Variants in ARL13B observed in about 807,000 individuals in gnomAD.
ARL13B encodes the protein ADP-ribosylation factor-like protein 13B.
ARL13B carries 36 observed loss-of-function variants against 56.1 expected under a neutral mutation model. That is an observed-to-expected ratio of 0.64 (90% CI 0.49 to 0.85). The LOEUF (loss-of-function observed/expected upper bound fraction) is 0.85. ARL13B is among the 40% of genes least tolerant of loss of function. The pLI is 0.00. For missense variants in ARL13B, 519 were observed against 507.1 expected, an observed-to-expected ratio of 1.02 and a Z score of -0.23; for synonymous variants, 178 against 171.1, an observed-to-expected ratio of 1.04 and a Z score of -0.32.
intron 1 of ARL13B, among the ~76,000 whole-genome samples, chr3:93,986,829 G>A (rs1310208317): frequency 1.3e-5 from 2 of 152,038 alleles, no homozygotes; most frequent in African/African-American, 4.8e-5. Flanking sequence ...AATTAGCCAG[G>A]CATGGTGGCA....
chr3:93,991,962 T>C (rs762873876), intron 1 of ARL13B, among the ~76,000 whole-genome samples: 19 of 152,226 alleles, frequency 1.2e-4, no homozygotes, highest in Non-Finnish European at 2.5e-4. Flanking sequence ...ATTAACTAGT[T>C]GCAAAGGTAG....
At chr3:94,005,700 C>T (rs2076122049) in intron 3 of ARL13B, among the ~76,000 whole-genome samples, 1 of 151,974 alleles carries the variant, frequency 6.6e-6, no homozygotes, top group Non-Finnish European at 1.5e-5. Context: ...TGCCATTTGA[C>T]CAGATTTTCT....
At chr3:93,995,662 A>G (rs934493354) in intron 1 of ARL13B, among the ~76,000 whole-genome samples, 2 of 152,160 alleles carry the variant, frequency 1.3e-5, no homozygotes, top group African/African-American at 4.8e-5. Flanking sequence ...TTATTTGCTT[A>G]GAGAACAAAA....
intron 1 of ARL13B, among the ~76,000 whole-genome samples, chr3:93,994,056 G>C (rs946838783): frequency 5.3e-5 from 8 of 152,298 alleles, no homozygotes; most frequent in Admixed American, 1.3e-4. Context: ...AAAGATAAAG[G>C]CTTCTAGATA....
At chr3:94,008,097 A>G (rs1037068550) in intron 3 of ARL13B, among the ~76,000 whole-genome samples, 3 of 152,198 alleles carry the variant, frequency 2.0e-5, no homozygotes, top group Non-Finnish European at 2.9e-5. Flanking sequence ...GTAGAGTGGC[A>G]TGAACCAGAA....
intron 3 of ARL13B, among the ~76,000 whole-genome samples, chr3:94,023,853 G>A (rs1053855145): frequency 1.3e-5 from 2 of 152,040 alleles, no homozygotes; most frequent in Non-Finnish European, 2.9e-5. Flanking sequence ...AGATAATATA[G>A]CATATAGGAT....
At chr3:93,989,065 A>G (rs1199913906) in intron 1 of ARL13B, 1 of 205,178 alleles carries the variant, frequency 4.9e-6, no homozygotes, top group Admixed American at 5.4e-5. Flanking sequence ...TGAGACCCCT[A>G]TTTCAGTTTT....
At chr3:94,023,074 A>G (rs966659620) in intron 3 of ARL13B, among the ~76,000 whole-genome samples, 1 of 151,842 alleles carries the variant, frequency 6.6e-6, no homozygotes, top group Non-Finnish European at 1.5e-5. Context: ...TTGATTTCCA[A>G]TTCCTCACCT....
Position 94,055,425 on chromosome 3 carries a change from C to G in ARL13B, c.*2162C>G, listed in dbSNP as rs2077127722. Reference sequence around the variant, plus strand: ...TTTTTTTGATACTTTACACACAAAACTTTTTTCTCTCTGCAAGTTTTTATG... The same window carrying G: ...TTTTTTTGATACTTTACACACAAAAGTTTTTTCTCTCTGCAAGTTTTTATG... On this transcript the variant is annotated 3_prime_UTR_variant, in exon 10 of 10. Transcript: ENST00000394222. 2.2e-6 allele frequency: 1 copy of G among 452,084 alleles called. No individual in the cohort carries two copies. Among genetic ancestry groups the G allele is most frequent in the Admixed American group, 2.4e-5 (1 of 42,426 alleles). 28.0% of individuals were successfully genotyped at this position (452,084 alleles called of 1,614,324 possible).
chr3:94,051,080 A>C (rs1284877352), intron 9 of ARL13B, among the ~76,000 whole-genome samples, 188 bp downstream of exon 9: 1 of 152,002 alleles, frequency 6.6e-6, no homozygotes, highest in African/African-American at 2.4e-5. Flanking sequence ...TTACATCTAT[A>C]TCATTTAATT....
chr3:94,009,355 C>T (rs1031204857), intron 3 of ARL13B, among the ~76,000 whole-genome samples: 6 of 151,364 alleles, frequency 4.0e-5, no homozygotes, highest in Admixed American at 2.0e-4. Context: ...CCTTTATATG[C>T]TTATTTGACT....
At position 94,054,564 on chromosome 3, in the gene ARL13B, G is replaced by A. The variant is rs2077114844; in HGVS notation, c.*1301G>A. ...TTAAGATTGGTGCTTTTGGTAACTTGTACTGACACAACAGACATGTGCTAG... is the reference window on the plus strand; with the variant it reads ...TTAAGATTGGTGCTTTTGGTAACTTATACTGACACAACAGACATGTGCTAG... On this transcript the variant is annotated 3_prime_UTR_variant, in exon 10 of 10. Transcript: ENST00000394222. The A allele has an allele frequency of 1.0e-5, 4 of 399,726 alleles. No homozygotes were observed. Among genetic ancestry groups the A allele is most frequent in the Non-Finnish European group, 1.9e-5 (4 of 205,492 alleles). The allele number at this position is 399,726 out of a possible 1,614,324, so 24.8% of individuals were successfully genotyped here.
At chr3:93,984,397 A>G (rs1389580106) in intron 1 of ARL13B, among the ~76,000 whole-genome samples, 2 of 151,988 alleles carry the variant, frequency 1.3e-5, no homozygotes, top group Non-Finnish European at 2.9e-5. Context: ...TACATTGACT[A>G]TTTATTAAGT....
chr3:93,983,279 G>A (rs1349669672), intron 1 of ARL13B, among the ~76,000 whole-genome samples: 2 of 152,074 alleles, frequency 1.3e-5, no homozygotes, highest in Non-Finnish European at 2.9e-5. Context: ...AAGTGTTAAG[G>A]CACCAGTCTA....
chr3:94,014,700 T>A, intron 3 of ARL13B: 1 of 1,612,980 alleles, frequency 6.2e-7, no homozygotes, highest in East Asian at 2.2e-5. Flanking sequence ...AAACTTCCCA[T>A]TTTCCTTGAT....
chr3:94,043,320 GT>G, intron 7 of ARL13B, 80 bp downstream of exon 7: 1 of 1,294,252 alleles, frequency 7.7e-7, no homozygotes, highest in African/African-American at 1.5e-5. Context: ...TTTTATGTTT[GT>G]TTTTACAAAC....
chr3:94,027,687 C>T (rs1167679581), intron 3 of ARL13B, among the ~76,000 whole-genome samples: 1 of 151,936 alleles, frequency 6.6e-6, no homozygotes, highest in Admixed American at 6.6e-5. Flanking sequence ...AAGTATCTAA[C>T]CTATCTACAT....
intron 5 of ARL13B, among the ~76,000 whole-genome samples, chr3:94,038,940 T>C (rs1451943526): frequency 1.3e-5 from 2 of 152,204 alleles, no homozygotes; most frequent in African/African-American, 4.8e-5. Context: ...GAATGATACA[T>C]ATGGTAACTT....
At chr3:94,041,563 C>T (rs2076862474) in intron 6 of ARL13B, among the ~76,000 whole-genome samples, 1 of 152,036 alleles carries the variant, frequency 6.6e-6, no homozygotes, top group African/African-American at 2.4e-5. Context: ...TTATACTACC[C>T]AATTTTTAAA....
Sources: gnomAD v4.1 joint callset for allele counts (sites outside exome capture counted in the v4.1 genomes callset) on GRCh38, gnomAD v4.1.1 for gene constraint, MANE v1.5 for transcripts, NCBI Gene and HGNC (gene_info 2026-07-23, HGNC 2026-07-21) for gene names.